GRM1: variants seen among roughly 807,000 people sequenced by gnomAD.
GRM1 encodes the protein glutamate metabotropic receptor 1, also known as metabotropic glutamate receptor 1.
Under a neutral mutation model 90.9 loss-of-function variants are expected in GRM1, and 33 were observed. The observed-to-expected ratio is 0.36, with a 90% CI of 0.28 to 0.49. GRM1 has a LOEUF of 0.49. Among genes scored for constraint, GRM1 ranks in the 20% least tolerant of loss-of-function variants. The probability of loss-of-function intolerance (pLI) is 0.99; values close to 1 mark genes in which losing one functional copy is unlikely to be tolerated. For missense variants in GRM1, 1,190 were observed against 1,534.3 expected (o/e 0.78, Z 3.75); for synonymous variants, 700 against 613.2 (o/e 1.14, Z -2.09).
chr6:146,090,722 A>T (rs951068013), intron 1 of GRM1, among the ~76,000 whole-genome samples: 1 of 152,064 alleles, frequency 6.6e-6, no homozygotes, highest in Non-Finnish European at 1.5e-5. Context: ...CAGTGACGAT[A>T]AAAGCCACAG....
intron 1 of GRM1, among the ~76,000 whole-genome samples, chr6:146,129,461 C>T (rs777789996): frequency 2.6e-5 from 4 of 152,138 alleles, no homozygotes; most frequent in Non-Finnish European, 5.9e-5. Flanking sequence ...TCTTGTCCTA[C>T]GTGAAGCCTT....
At position 146,356,005 on chromosome 6, in the gene GRM1, C is replaced by A. The variant is rs569651193; in HGVS notation, c.1434-1521C>A. ...CCCACTTTGCAGAACTAGTAAGGAG[C>A]AACCAAGCATGCAGCTTTGGGAAAC... is the stretch of plus-strand genomic sequence containing the variant. On this transcript the variant is annotated intron_variant, in intron 4 of 7. Coordinates refer to ENST00000282753, the MANE Select transcript of GRM1 (RefSeq NM_001278064.2). 2.0e-5 allele frequency among the ~76,000 whole-genome samples: 3 copies of A among 152,242 alleles called. No homozygotes were observed. In the East Asian group the frequency reaches 5.8e-4, roughly 29 times the overall value.
At chr6:146,253,150 T>C (rs1172191745) in intron 2 of GRM1, among the ~76,000 whole-genome samples, 1 of 152,158 alleles carries the variant, frequency 6.6e-6, no homozygotes, top group Non-Finnish European at 1.5e-5. Flanking sequence ...GTTTTAAGCA[T>C]GAGTGATAGA....
At chr6:146,367,594 C>T (rs9485077) in intron 5 of GRM1, among the ~76,000 whole-genome samples, 29,657 of 151,826 alleles carry the variant, frequency 0.2, 3,802 homozygotes, top group African/African-American at 0.37. Context: ...GTCCCCAGTG[C>T]CTGTTGTTGC....
At chr6:146,040,485 C>G (rs529486822) in intron 1 of GRM1, among the ~76,000 whole-genome samples, 1 of 152,018 alleles carries the variant, frequency 6.6e-6, no homozygotes, top group Non-Finnish European at 1.5e-5. Context: ...TTTTTGTTTG[C>G]CTGGGAAAGT....
chr6:146,372,861 A>T (rs566494836), intron 5 of GRM1, among the ~76,000 whole-genome samples: 1 of 152,140 alleles, frequency 6.6e-6, no homozygotes, highest in East Asian at 1.9e-4. Flanking sequence ...TGGTTATTAT[A>T]GCTCTGTAGT....
chr6:146,119,614 T>C (rs1015156105), intron 1 of GRM1, among the ~76,000 whole-genome samples: 1 of 152,236 alleles, frequency 6.6e-6, no homozygotes, highest in African/African-American at 2.4e-5. Flanking sequence ...AATTAATTTT[T>C]GTCTAAGGTG....
At position 146,349,073 on chromosome 6, in the gene GRM1, A is replaced by ATTATTATTG. The variant is rs1554299567; in HGVS notation, c.1187-3169_1187-3168insGTTATTATT. 5.0e-4 allele frequency among the ~76,000 whole-genome samples: 74 copies of ATTATTATTG among 147,662 alleles called. 1 individual carries two copies. In the East Asian group the frequency reaches 5.4e-3, roughly 11 times the overall value. On this transcript the variant is annotated intron_variant, in intron 3 of 7. Coordinates refer to ENST00000282753, the MANE Select transcript of GRM1 (RefSeq NM_001278064.2). ...TATTATTATTATTATTATTATTATT[A>ATTATTATTG]TTATTATTATTGAGACGGAGTCTCG...
intron 1 of GRM1, among the ~76,000 whole-genome samples, chr6:146,104,303 G>A (rs938630056): frequency 6.6e-6 from 1 of 152,132 alleles, no homozygotes; most frequent in Non-Finnish European, 1.5e-5. Flanking sequence ...AGCCAGGCGT[G>A]GTGGCGGGCG....
intron 7 of GRM1, among the ~76,000 whole-genome samples, chr6:146,403,783 A>G (rs1475950890): frequency 1.3e-5 from 2 of 152,056 alleles, no homozygotes; most frequent in Non-Finnish European, 2.9e-5. Context: ...TTTTTGATAC[A>G]GTTCTCATTT....
intron 1 of GRM1, among the ~76,000 whole-genome samples, chr6:146,063,820 C>T (rs1775755334): frequency 6.6e-6 from 1 of 152,074 alleles, no homozygotes; most frequent in Non-Finnish European, 1.5e-5. Context: ...ATATCAGAAT[C>T]ATTGCAAATC....
intron 1 of GRM1, among the ~76,000 whole-genome samples, chr6:146,051,245 T>C (rs1242494805): frequency 6.6e-6 from 1 of 152,024 alleles, no homozygotes; most frequent in Non-Finnish European, 1.5e-5. Context: ...AACAAGATAA[T>C]GGCTAGCATA....
chr6:146,364,980 C>G (rs1268002784), intron 5 of GRM1: 2 of 152,134 alleles, frequency 1.3e-5, no homozygotes, highest in Non-Finnish European at 2.9e-5. Context: ...AACTAACCAT[C>G]TAAATCATAT....
chr6:146,356,159 A>G (rs1785574792), intron 4 of GRM1, among the ~76,000 whole-genome samples: 1 of 152,252 alleles, frequency 6.6e-6, no homozygotes, highest in Non-Finnish European at 1.5e-5. Context: ...AGTAATGAAA[A>G]TAACCAGAGT....
In GRM1 at chr6:146,352,374, C is replaced by A; in HGVS notation, c.1311C>A (p.Gly437=). 6.2e-7 allele frequency: 1 copy of A among 1,614,180 alleles called. No homozygotes were observed. Among genetic ancestry groups the A allele is most frequent in the South Asian group, 1.1e-5 (1 of 91,088 alleles). ...MHHALCPGHV[G]LCDAMKPIDG... ...ATGCCCTCTGCCCTGGCCACGTGGG[C>A]CTCTGCGATGCCATGAAGCCCATCG... The change falls in exon 4 of 8, where the codon GGC becomes GGA. Residue 437 remains glycine, a synonymous_variant. Transcript: ENST00000282753.
chr6:146,092,204 G>A (rs1776737056), intron 1 of GRM1, among the ~76,000 whole-genome samples: 1 of 152,050 alleles, frequency 6.6e-6, no homozygotes, highest in Non-Finnish European at 1.5e-5. Flanking sequence ...CTGGCTTGTA[G>A]TAGACAGCTA....
intron 2 of GRM1, among the ~76,000 whole-genome samples, chr6:146,192,992 A>G (rs1292757992): frequency 6.6e-6 from 1 of 152,158 alleles, no homozygotes; most frequent in Non-Finnish European, 1.5e-5. Context: ...AGTTCATGGT[A>G]GAGGCAACAG....
intron 3 of GRM1, among the ~76,000 whole-genome samples, chr6:146,317,631 A>T (rs1054728975): frequency 1.3e-5 from 2 of 152,228 alleles, no homozygotes; most frequent in Non-Finnish European, 2.9e-5. Context: ...ATTATTTCTC[A>T]TTCATGCAAC....
intron 3 of GRM1, among the ~76,000 whole-genome samples, chr6:146,322,293 A>C (rs1583322651): frequency 6.6e-6 from 1 of 152,084 alleles, no homozygotes; most frequent in South Asian, 2.1e-4. Context: ...GAGGGTACCC[A>C]CCAGATGCCC....
Sources: gnomAD v4.1 joint callset for allele counts (sites outside exome capture counted in the v4.1 genomes callset) on GRCh38, gnomAD v4.1.1 for gene constraint, MANE v1.5 for transcripts, NCBI Gene and HGNC (gene_info 2026-07-23, HGNC 2026-07-21) for gene names.